CAST: variants seen among roughly 807,000 people sequenced by gnomAD.
The protein encoded by CAST is MIR583 host.
In CAST, 76 loss-of-function variants were observed where a neutral mutation model predicts 119.6. The ratio of observed to expected loss-of-function variants is 0.64; its 90% confidence interval spans 0.53 to 0.77. CAST has a LOEUF of 0.77. Ranked by LOEUF, CAST falls within the 30% of genes least tolerant of loss-of-function variation. CAST has a pLI of 0.00. For synonymous variants in CAST, 319 were observed against 331.6 expected, an observed-to-expected ratio of 0.96 and a Z score of 0.41; for missense variants, 953 against 946.5, an observed-to-expected ratio of 1.01 and a Z score of -0.09.
At chr5:96,283,129 CA>C in the CAST span, among the ~76,000 whole-genome samples, 188 of 24,296 alleles carry the variant, frequency 7.7e-3, 3 homozygotes, top group Admixed American at 5.3e-3. Context: ...GACTCCGTCT[CA>C]AAAAAAAAAA....
At chr5:96,334,028 C>T in the CAST span, among the ~76,000 whole-genome samples, 28 of 152,148 alleles carry the variant, frequency 1.8e-4, no homozygotes, top group Non-Finnish European at 4.0e-4. Context: ...ATTTCATATG[C>T]TCCTCACTAT....
At chr5:96,049,502 G>A in the CAST span, among the ~76,000 whole-genome samples, 1 of 152,216 alleles carries the variant, frequency 6.6e-6, no homozygotes, top group Non-Finnish European at 1.5e-5. Flanking sequence ...TAAAGAGGTA[G>A]ATTGTACAAG....
chr5:96,021,394 T>C, the CAST span, among the ~76,000 whole-genome samples: 8,425 of 152,266 alleles, frequency 0.055, 825 homozygotes, highest in African/African-American at 0.19. Flanking sequence ...TAAAGAGCTC[T>C]GCTGTTCAGT....
the CAST span, among the ~76,000 whole-genome samples, chr5:96,113,051 C>T: frequency 6.6e-6 from 1 of 152,072 alleles, no homozygotes; most frequent in Non-Finnish European, 1.5e-5. Context: ...ATGGTTGATC[C>T]CATCTAGAAG....
In CAST at chr5:96,752,408, C is replaced by T. The variant is rs566685637; in HGVS notation, c.1525-1652C>T. Among the ~76,000 whole-genome samples the T allele has an allele frequency of 2.0e-5, 3 of 152,220 alleles. No individual in the cohort carries two copies. In the South Asian group the frequency reaches 6.2e-4, roughly 32 times the overall value. ...ACAGAATTGTAGTGTGAGCAGGTGT[C>T]TTAAATCATGTAGCAACTCACATTG... On this transcript the variant is annotated intron_variant, in intron 20 of 31. Transcript: ENST00000675179.
the CAST span, among the ~76,000 whole-genome samples, chr5:96,085,719 C>G: frequency 6.6e-6 from 1 of 152,228 alleles, no homozygotes; most frequent in Non-Finnish European, 1.5e-5. Flanking sequence ...CAGGACTTCT[C>G]AAGCCCATCA....
chr5:96,087,180 G>C, the CAST span, among the ~76,000 whole-genome samples: 1 of 152,194 alleles, frequency 6.6e-6, no homozygotes, highest in East Asian at 1.9e-4. Flanking sequence ...TTGGTGGGGA[G>C]AAATCCTCTA....
chr5:96,233,828 C>T, the CAST span, among the ~76,000 whole-genome samples: 1 of 151,948 alleles, frequency 6.6e-6, no homozygotes, highest in Non-Finnish European at 1.5e-5. Context: ...AAAACAGAAA[C>T]CTTATATCTT....
chr5:96,404,947 A>G, the CAST span, among the ~76,000 whole-genome samples: 7 of 152,288 alleles, frequency 4.6e-5, no homozygotes, highest in Admixed American at 4.6e-4. Flanking sequence ...ATTATTCTTG[A>G]TAAGTTTAGG....
At chr5:96,105,835 G>A in the CAST span, among the ~76,000 whole-genome samples, 2 of 152,140 alleles carry the variant, frequency 1.3e-5, no homozygotes, top group African/African-American at 4.8e-5. Flanking sequence ...TGTACCTCTG[G>A]TAGAATTCAG....
At chr5:96,709,987 C>T (rs888626507) in intron 3 of CAST, among the ~76,000 whole-genome samples, 12 of 152,032 alleles carry the variant, frequency 7.9e-5, no homozygotes, top group Admixed American at 2.6e-4. Context: ...AGAAAGGACG[C>T]GGGCTATAGA....
the CAST span, among the ~76,000 whole-genome samples, chr5:96,389,558 C>A: frequency 6.6e-6 from 1 of 152,082 alleles, no homozygotes; most frequent in South Asian, 2.1e-4. Context: ...GGAGAAAGGT[C>A]AGATTCTGAG....
the CAST span, among the ~76,000 whole-genome samples, chr5:96,477,691 T>C: frequency 1.3e-5 from 2 of 152,236 alleles, no homozygotes; most frequent in East Asian, 1.9e-4. Flanking sequence ...TATCCCATCA[T>C]TTCTTTTGCA....
chr5:96,407,948 G>A, the CAST span, among the ~76,000 whole-genome samples: 493 of 152,316 alleles, frequency 3.2e-3, 15 homozygotes, highest in Admixed American at 0.029. Flanking sequence ...ATTTAGACAG[G>A]AGAAAGTATG....
the CAST span, among the ~76,000 whole-genome samples, chr5:96,182,467 C>T: frequency 8.4e-3 from 1,280 of 152,204 alleles, 25 homozygotes; most frequent in African/African-American, 0.029. Flanking sequence ...AATTACAGTG[C>T]GAGGTGGGTG....
At chr5:96,521,356 C>T (rs1745516004), upstream of CAST, among the ~76,000 whole-genome samples, 1 of 152,206 alleles carries the variant, frequency 6.6e-6, no homozygotes, top group South Asian at 2.1e-4. Context: ...TCTGGCCTCA[C>T]CTTACCAGGT....
the CAST span, among the ~76,000 whole-genome samples, chr5:96,183,495 A>G: frequency 2.0e-5 from 3 of 152,134 alleles, no homozygotes; most frequent in African/African-American, 7.2e-5. Context: ...GCTATTTGGA[A>G]TTTTTTTCAG....
chr5:96,649,860 T>C (rs1265898719), intron 1 of CAST, among the ~76,000 whole-genome samples: 2 of 152,212 alleles, frequency 1.3e-5, no homozygotes, highest in Admixed American at 1.3e-4. Context: ...CAATCCTTGG[T>C]GTATATAATG....
At chr5:96,747,487 A>G in intron 18 of CAST, 95 bp downstream of exon 18, 1 of 817,522 alleles carries the variant, frequency 1.2e-6, no homozygotes. Flanking sequence ...CACTGTGCAG[A>G]CTTGCATGCT....
Sources: allele counts gnomAD v4.1 joint callset (sites outside exome capture counted in the v4.1 genomes callset), GRCh38; gene constraint gnomAD v4.1.1; transcripts MANE v1.5; gene names NCBI Gene and HGNC (gene_info 2026-07-23, HGNC 2026-07-21).